Variants in C12orf54 observed in about 807,000 individuals in gnomAD.
C12orf54 encodes uncharacterized protein C12orf54.
Under a neutral mutation model 26.4 loss-of-function variants are expected in C12orf54, and 24 were observed. The ratio of observed to expected loss-of-function variants is 0.91; its 90% CI spans 0.66 to 1.28. C12orf54 has a LOEUF of 1.28. Ranked by LOEUF, C12orf54 falls within the 50% of genes most tolerant of loss-of-function variation. The probability of loss-of-function intolerance (pLI) is 0.00; values close to 1 mark genes in which losing one functional copy is unlikely to be tolerated. For missense variants in C12orf54, 154 were observed against 150.9 expected (o/e 1.02, Z -0.11); for synonymous variants, 54 against 47.0 (o/e 1.15, Z -0.61).
At chr12:48,415,204 A>C in the C12orf54 span, among the ~76,000 whole-genome samples, 2 of 152,198 alleles carry the variant, frequency 1.3e-5, no homozygotes, top group African/African-American at 4.8e-5. Flanking sequence ...GTATTTTTTC[A>C]CGTACTAAAA....
At chr12:48,436,119 A>G in the C12orf54 span, among the ~76,000 whole-genome samples, 1 of 152,216 alleles carries the variant, frequency 6.6e-6, no homozygotes, top group African/African-American at 2.4e-5. Flanking sequence ...CTAGTCTTGG[A>G]TGAAACAGAC....
the C12orf54 span, among the ~76,000 whole-genome samples, chr12:48,416,370 A>G: frequency 2.0e-5 from 3 of 152,116 alleles, no homozygotes; most frequent in South Asian, 2.1e-4. Flanking sequence ...TCTGTCCCCA[A>G]TTAACTCAAG....
chr12:48,458,118 C>T, the C12orf54 span, among the ~76,000 whole-genome samples: 1 of 152,218 alleles, frequency 6.6e-6, no homozygotes, highest in Non-Finnish European at 1.5e-5. Flanking sequence ...GGCTTCCTCT[C>T]AGCAGAAATA....
At chr12:48,476,196 G>C in the C12orf54 span, among the ~76,000 whole-genome samples, 22,185 of 151,824 alleles carry the variant, frequency 0.15, 2,737 homozygotes, top group East Asian at 0.65. Context: ...AGCAAATGCT[G>C]AGAGATTTTG....
chr12:48,419,401 T>C, the C12orf54 span, among the ~76,000 whole-genome samples: 1 of 152,190 alleles, frequency 6.6e-6, no homozygotes, highest in Admixed American at 6.5e-5. Context: ...TTAAGACTTT[T>C]ATTTAGATAA....
chr12:48,472,418 A>G, the C12orf54 span, among the ~76,000 whole-genome samples: 1 of 152,242 alleles, frequency 6.6e-6, no homozygotes, highest in South Asian at 2.1e-4. Flanking sequence ...CAGCCAATAC[A>G]TCTATCTGAT....
the C12orf54 span, chr12:48,473,405 C>T: frequency 8.4e-5 from 67 of 792,940 alleles, no homozygotes; most frequent in South Asian, 1.8e-4. Context: ...AGGGAGAAGA[C>T]GATGCCTAAG....
At chr12:48,468,398 G>C in the C12orf54 span, among the ~76,000 whole-genome samples, 1 of 152,260 alleles carries the variant, frequency 6.6e-6, no homozygotes, top group South Asian at 2.1e-4. Context: ...GCCTGGACAT[G>C]GAAGGACTGT....
chr12:48,484,229 CTT>C (rs1027288341), intron 2 of C12orf54, among the ~76,000 whole-genome samples: 5 of 152,152 alleles, frequency 3.3e-5, no homozygotes, highest in African/African-American at 1.2e-4. Context: ...TGAAAAATGA[CTT>C]CTAAATTTCT....
chr12:48,431,760 A>T, the C12orf54 span, among the ~76,000 whole-genome samples: 2 of 152,228 alleles, frequency 1.3e-5, no homozygotes, highest in Non-Finnish European at 2.9e-5. Flanking sequence ...TGTCTAGAAT[A>T]GGCAAATCTA....
the C12orf54 span, among the ~76,000 whole-genome samples, chr12:48,452,656 A>G: frequency 1.3e-5 from 2 of 152,234 alleles, no homozygotes; most frequent in Non-Finnish European, 1.5e-5. Flanking sequence ...CAAATTTACA[A>G]GAAAAAACAA....
the C12orf54 span, among the ~76,000 whole-genome samples, chr12:48,465,875 A>G: frequency 6.6e-6 from 1 of 152,190 alleles, no homozygotes; most frequent in Non-Finnish European, 1.5e-5. Context: ...GACTAATTGA[A>G]TATCAACAAG....
chr12:48,466,653 T>C, the C12orf54 span, among the ~76,000 whole-genome samples: 2 of 152,144 alleles, frequency 1.3e-5, no homozygotes, highest in African/African-American at 4.8e-5. Flanking sequence ...CCTATTAGGA[T>C]ATTTAAAATT....
chr12:48,485,536 G>A (rs1018937631), intron 2 of C12orf54, among the ~76,000 whole-genome samples: 6 of 152,158 alleles, frequency 3.9e-5, no homozygotes, highest in African/African-American at 1.4e-4. Flanking sequence ...GAGCATGGTA[G>A]AGCAGACTGG....
the C12orf54 span, among the ~76,000 whole-genome samples, chr12:48,437,337 T>G: frequency 6.6e-6 from 1 of 152,208 alleles, no homozygotes; most frequent in African/African-American, 2.4e-5. Flanking sequence ...AAGGAGCTGG[T>G]ACCCTTCCTT....
the C12orf54 span, among the ~76,000 whole-genome samples, chr12:48,475,127 A>G: frequency 6.6e-6 from 1 of 152,208 alleles, no homozygotes. Context: ...GCTGAAACCC[A>G]GGCAAACAGG....
At chr12:48,436,597 A>C in the C12orf54 span, among the ~76,000 whole-genome samples, 2 of 152,218 alleles carry the variant, frequency 1.3e-5, no homozygotes, top group Non-Finnish European at 2.9e-5. Context: ...CAGGATTAAG[A>C]AACTCACTCA....
In C12orf54 at chr12:48,490,814, G is replaced by T. The variant is rs375097416; in HGVS notation, c.171G>T (p.Leu57=). 11 of 1,613,538 alleles carry T rather than the reference G, an allele frequency of 6.8e-6. No individual in the cohort carries two copies. Among genetic ancestry groups the T allele is most frequent in the Admixed American group, 1.7e-5 (1 of 60,006 alleles). Reference sequence around the variant, plus strand: ...ACTGTATTCTCATTATTTTTCAGCTGCAGGAAGATGCTCGGATTCGAGGTA... The same window carrying T: ...ACTGTATTCTCATTATTTTTCAGCTTCAGGAAGATGCTCGGATTCGAGGTA... The part of the protein sequence containing the change: ...LTVFKDIQKE[L]QEDARIRGMS... The change falls in exon 6 of 9, where the codon CTG becomes CTT. Residue 57 remains leucine (L), a splice_region_variant and synonymous_variant. Transcript: ENST00000548364.
At chr12:48,485,943 C>T (rs1387136116) in intron 2 of C12orf54, among the ~76,000 whole-genome samples, 1 of 152,058 alleles carries the variant, frequency 6.6e-6, no homozygotes, top group Non-Finnish European at 1.5e-5. Context: ...TTGTTCTATG[C>T]TTTAGAGTTC....
Sources: gnomAD v4.1 joint callset for allele counts (sites outside exome capture counted in the v4.1 genomes callset) on GRCh38, gnomAD v4.1.1 for gene constraint, MANE v1.5 for transcripts, NCBI Gene and HGNC (gene_info 2026-07-23, HGNC 2026-07-21) for gene names.